Variants in AP3B1 observed in about 807,000 individuals in gnomAD.
AP3B1 encodes AP-3 complex subunit beta-1.
In AP3B1, 61 loss-of-function variants were observed where a neutral mutation model predicts 132.5. The observed-to-expected ratio is 0.46, with a 90% confidence interval of 0.37 to 0.57. The LOEUF (loss-of-function observed/expected upper bound fraction) is 0.57, where lower values mean the gene tolerates loss of function less well. Ranked by LOEUF, AP3B1 falls within the 20% of genes least tolerant of loss-of-function variation. The pLI, the probability that AP3B1 is intolerant of heterozygous loss-of-function variation, is 0.00. For synonymous variants in AP3B1, 388 were observed against 438.3 expected, an observed-to-expected ratio of 0.89 and a Z score of 1.43; for missense variants, 1,120 against 1,289.4, an observed-to-expected ratio of 0.87 and a Z score of 2.01.
Position 78,162,822 on chromosome 5 carries a change from C to T in AP3B1, c.1360G>A (p.Asp454Asn). ...TAAAATGAAACTGTAAACTTACCAT[C>T]CCTGTTGGACAGCAGACAGACCAAG... ...NGLVCLLSNR[D>N]EIVVAESVVV... The change falls in exon 13 of 27, where the codon GAT (aspartate) becomes AAT (asparagine). Residue 454 changes from aspartate to asparagine, a missense_variant. Around this residue, in one of 3 missense-constraint regions of AP3B1, gnomAD observed 906 missense variants for 997.1 expected, o/e 0.91. Transcript: ENST00000255194. 6.2e-7 allele frequency: 1 copy of T among 1,613,826 alleles called. No individual in the cohort carries two copies. The highest frequency in any genetic ancestry group is 1.1e-5 in the South Asian group (1 of 91,076).
At chr5:78,102,178 A>T (rs1256398733) in intron 20 of AP3B1, among the ~76,000 whole-genome samples, 1 of 152,138 alleles carries the variant, frequency 6.6e-6, no homozygotes, top group Non-Finnish European at 1.5e-5. Flanking sequence ...CTAAAGCAAA[A>T]TATATTTTAT....
At chr5:78,253,823 C>T (rs887059715) in intron 2 of AP3B1, among the ~76,000 whole-genome samples, 8 of 151,506 alleles carry the variant, frequency 5.3e-5, no homozygotes, top group Admixed American at 3.9e-4. Flanking sequence ...AAAAATTAGC[C>T]GGGCATGGTG....
In AP3B1 at chr5:78,225,580, T is replaced by C. The variant is rs1393665689; in HGVS notation, c.565A>G (p.Ile189Val). The C allele has an allele frequency of 3.8e-6, 6 of 1,584,374 alleles. No homozygotes were observed. Among genetic ancestry groups the C allele is most frequent in the Non-Finnish European group, 4.3e-6 (5 of 1,155,356 alleles). The stretch of plus-strand genomic sequence containing the variant: ...TTCAGAAGTTTTTCAATTACTTCAA[T>C]TAACATTTCCTTCTGCTCTGGATCA... Reference protein sequence around the residue: ...SLDPEQKEMLIEVIEKLLKDK... With the variant: ...SLDPEQKEMLVEVIEKLLKDK... The change falls in exon 6 of 27, where the codon ATT (isoleucine) becomes GTT (valine). Residue 189 changes from isoleucine (I) to valine (V), a missense_variant. By Grantham distance (29) the Ile-to-Val change is conservative. Around this residue, in one of 3 missense-constraint regions of AP3B1, gnomAD observed 129 missense variants for 212.4 expected, o/e 0.61. Coordinates refer to ENST00000255194, the MANE Select transcript of AP3B1 (RefSeq NM_003664.5).
At chr5:78,196,003 A>G (rs1026267776) in intron 7 of AP3B1, among the ~76,000 whole-genome samples, 3 of 152,152 alleles carry the variant, frequency 2.0e-5, no homozygotes, top group African/African-American at 7.2e-5. Flanking sequence ...AAAGACATGG[A>G]TCTGTGGAAG....
chr5:78,048,919 C>T (rs402883), intron 22 of AP3B1, among the ~76,000 whole-genome samples: 1 of 151,984 alleles, frequency 6.6e-6, no homozygotes, highest in African/African-American at 2.4e-5. Flanking sequence ...AGAATGCCCC[C>T]TTCCCCCACT....
chr5:78,134,789 C>A (rs542389788), intron 15 of AP3B1, among the ~76,000 whole-genome samples: 7 of 152,258 alleles, frequency 4.6e-5, no homozygotes, highest in Admixed American at 3.3e-4. Context: ...GTGATCTGCC[C>A]GTCTCGGCCT....
intron 6 of AP3B1, among the ~76,000 whole-genome samples, chr5:78,217,481 T>C (rs574956830): frequency 1.3e-5 from 2 of 152,102 alleles, no homozygotes; most frequent in Admixed American, 1.3e-4. Context: ...AATTGATTAT[T>C]TGTGTGAACT....
intron 22 of AP3B1, among the ~76,000 whole-genome samples, chr5:78,047,588 G>C (rs2112117807): frequency 6.6e-6 from 1 of 152,230 alleles, no homozygotes; most frequent in Middle Eastern, 3.4e-3. Context: ...GTTCCTTGTA[G>C]ATTCTGGGTA....
intron 7 of AP3B1, among the ~76,000 whole-genome samples, chr5:78,184,451 G>GC: frequency 6.6e-6 from 1 of 151,736 alleles, no homozygotes. Context: ...ACTTTGGGAG[G>GC]CGAGGCGGGT....
At chr5:78,011,546 C>T (rs1580235911) in intron 26 of AP3B1, among the ~76,000 whole-genome samples, 1 of 152,070 alleles carries the variant, frequency 6.6e-6, no homozygotes, top group Non-Finnish European at 1.5e-5. Context: ...AAAGTGTTAA[C>T]GAAATAAAAA....
chr5:78,154,918 G>T lies in AP3B1; in HGVS notation c.1473+1340C>A, dbSNP rs181045649. Among the ~76,000 whole-genome samples the T allele has an allele frequency of 4.6e-5, 7 of 152,210 alleles. No individual in the cohort carries two copies. In the East Asian group the frequency reaches 1.4e-3, roughly 29 times the overall value. On this transcript the variant is annotated intron_variant, in intron 14 of 26. Transcript: ENST00000255194. ...CTATTTTGAATTCTCTGTCTGAAGG[G>T]TCACGTATCTCTCTGTTTCTCTAGT...
At chr5:78,228,636 C>T (rs964036511) in intron 3 of AP3B1, among the ~76,000 whole-genome samples, 6 of 152,232 alleles carry the variant, frequency 3.9e-5, no homozygotes, top group Admixed American at 1.3e-4. Context: ...AGGAGGATCA[C>T]TTGAGCCCAG....
intron 7 of AP3B1, among the ~76,000 whole-genome samples, chr5:78,184,686 C>CAAA (rs772722596): frequency 1.8e-5 from 2 of 110,564 alleles, no homozygotes; most frequent in Non-Finnish European, 3.8e-5. Context: ...GACACTGTCT[C>CAAA]AAAAAAAAAA....
At chr5:78,068,662 C>A (rs1182320513) in intron 22 of AP3B1, among the ~76,000 whole-genome samples, 1 of 152,136 alleles carries the variant, frequency 6.6e-6, no homozygotes, top group Non-Finnish European at 1.5e-5. Context: ...CAGCTGAATT[C>A]TACCAGAAAT....
chr5:78,219,465 T>C (rs568214450), intron 6 of AP3B1, among the ~76,000 whole-genome samples: 1 of 152,040 alleles, frequency 6.6e-6, no homozygotes, highest in South Asian at 2.1e-4. Context: ...TAGATGAAAA[T>C]GGTATAAAAT....
At chr5:78,011,950 T>C (rs1363404118) in intron 26 of AP3B1, among the ~76,000 whole-genome samples, 2 of 152,142 alleles carry the variant, frequency 1.3e-5, no homozygotes, top group African/African-American at 4.8e-5. Flanking sequence ...GAGTAACTTA[T>C]CATATTGAAA....
intron 7 of AP3B1, among the ~76,000 whole-genome samples, chr5:78,205,345 T>C (rs1745459432): frequency 6.6e-6 from 1 of 152,166 alleles, no homozygotes. Flanking sequence ...TTTTGCCTTT[T>C]ACTAAGTAAG....
intron 3 of AP3B1, among the ~76,000 whole-genome samples, chr5:78,238,298 G>A (rs544041295): frequency 9.2e-5 from 14 of 152,178 alleles, no homozygotes; most frequent in Non-Finnish European, 1.3e-4. Context: ...GGACCATCTA[G>A]TTGTAAGAAA....
chr5:78,114,924 G>A (rs776574582), intron 18 of AP3B1, among the ~76,000 whole-genome samples: 6 of 152,142 alleles, frequency 3.9e-5, no homozygotes, highest in Non-Finnish European at 5.9e-5. Context: ...CAACTTCTCT[G>A]GGTTTTGGTT....
Sources: gnomAD v4.1 joint callset for allele counts (sites outside exome capture counted in the v4.1 genomes callset) on GRCh38, gnomAD v4.1.1 for gene constraint, gnomAD v4.1.1 regional missense constraint, MANE v1.5 for transcripts, NCBI Gene and HGNC (gene_info 2026-07-23, HGNC 2026-07-21) for gene names.